Variants in VPS13B observed in about 807,000 individuals in gnomAD.
VPS13B encodes the protein vacuolar protein sorting 13 homolog B.
In VPS13B, 285 loss-of-function variants were observed where a neutral mutation model predicts 426.4. The ratio of observed to expected loss-of-function variants is 0.67; its 90% CI spans 0.61 to 0.74. The LOEUF (loss-of-function observed/expected upper bound fraction) is 0.74, where lower values mean the gene tolerates loss of function less well. Among genes scored for constraint, VPS13B ranks in the 30% least tolerant of loss-of-function variants. The pLI, the probability that VPS13B is intolerant of heterozygous loss-of-function variation, is 0.00. For missense variants in VPS13B, 4,537 were observed against 4,782.6 expected (o/e 0.95, Z 1.51); for synonymous variants, 1,676 against 1,676.4 (o/e 1.00, Z 0.01).
intron 24 of VPS13B, among the ~76,000 whole-genome samples, chr8:99,478,447 GTTTTTTTT>G (rs56261645): frequency 1.2e-5 from 1 of 85,778 alleles, no homozygotes; most frequent in African/African-American, 5.1e-5. Context: ...TTTTTGTTTT[GTTTTTTTT>G]TTTTTTTTTT....
Position 99,265,381 on chromosome 8 carries a change from TC to T in VPS13B, c.2516-8816del, listed in dbSNP as rs543856517. 1.6e-4 allele frequency among the ~76,000 whole-genome samples: 24 copies of T among 152,324 alleles called. No individual in the cohort carries two copies. The East Asian group carries it at 4.4e-3, about 28-fold the overall frequency. On this transcript the variant is annotated intron_variant, in intron 17 of 61. Coordinates refer to ENST00000357162, the MANE Select transcript of VPS13B (RefSeq NM_152564.5). ...CATGTTTCCTTTTTCTTGAGCTTGC[TC>T]GTTTCAGAGAGAAAGCCGTCCATTT...
chr8:99,388,924 G>T (rs1262050774), intron 20 of VPS13B, among the ~76,000 whole-genome samples: 1 of 152,244 alleles, frequency 6.6e-6, no homozygotes, highest in African/African-American at 2.4e-5. Context: ...GCTGAGGCAG[G>T]TGGATCATGA....
chr8:99,688,690 G>A lies in VPS13B; in HGVS notation c.6047-10835G>A, dbSNP rs572190419. ...TCATTACATCATTAAACATTGTGGG[G>A]CCATAGGCTTTTGGCCCCCTAAAGG... On this transcript the variant is annotated intron_variant, in intron 35 of 61. Transcript: ENST00000357162. Among the ~76,000 whole-genome samples the A allele has an allele frequency of 4.6e-5, 7 of 152,132 alleles. 1 individual carries two copies. The highest frequency in any genetic ancestry group is 2.1e-4 in the South Asian group (1 of 4,822).
intron 25 of VPS13B, among the ~76,000 whole-genome samples, chr8:99,498,870 CT>C (rs1821074837): frequency 6.6e-6 from 1 of 152,098 alleles, no homozygotes; most frequent in African/African-American, 2.4e-5. Context: ...CAGCAGGCCA[CT>C]TGTTACTGTT....
chr8:99,313,046 GGTTATTCTA>G (rs1355787232), intron 19 of VPS13B, among the ~76,000 whole-genome samples: 34 of 152,214 alleles, frequency 2.2e-4, no homozygotes, highest in African/African-American at 6.3e-4. Flanking sequence ...TCTCTGCATT[GGTTATTCTA>G]GTTAGCCATT....
At chr8:99,165,701 T>A (rs1196727052) in intron 15 of VPS13B, among the ~76,000 whole-genome samples, 5 of 152,224 alleles carry the variant, frequency 3.3e-5, no homozygotes. Context: ...GGCATATTTA[T>A]TTTGGAAGTA....
chr8:99,785,849 C>A (rs1812232342), intron 43 of VPS13B, among the ~76,000 whole-genome samples: 1 of 152,108 alleles, frequency 6.6e-6, no homozygotes, highest in Non-Finnish European at 1.5e-5. Flanking sequence ...ATTGTCATTG[C>A]ATTCCCAGCA....
At chr8:99,246,235 C>T (rs1462936472) in intron 17 of VPS13B, among the ~76,000 whole-genome samples, 1 of 152,196 alleles carries the variant, frequency 6.6e-6, no homozygotes, top group Non-Finnish European at 1.5e-5. Flanking sequence ...ATATGCTGAC[C>T]TTCAGGCCCT....
rs59717397 is a variant in VPS13B at position 99,229,394 on chromosome 8, A to G, written c.2515+36337A>G. Among the ~76,000 whole-genome samples, 1,258 of 152,340 alleles carry G rather than the reference A, an allele frequency of 8.3e-3. 42 individuals are homozygous for G. The highest frequency in any genetic ancestry group is 0.076 in the East Asian group (393 of 5,176). On this transcript the variant is annotated intron_variant, in intron 17 of 61. Transcript: ENST00000357162. Reference sequence around the variant, plus strand: ...AGCTAACAGCTGAAGACTGTCAGCTAATCATGCTCCTTGTAGCCAGGCAAT... The same window carrying G: ...AGCTAACAGCTGAAGACTGTCAGCTGATCATGCTCCTTGTAGCCAGGCAAT...
intron 17 of VPS13B, among the ~76,000 whole-genome samples, chr8:99,267,671 G>A (rs184309648): frequency 1.5e-3 from 234 of 151,582 alleles, no homozygotes; most frequent in Middle Eastern, 3.4e-3. Flanking sequence ...AGGTTGCAGT[G>A]AGCTGAGATC....
intron 33 of VPS13B, among the ~76,000 whole-genome samples, chr8:99,583,308 A>T (rs1456280109): frequency 6.6e-6 from 1 of 152,212 alleles, no homozygotes; most frequent in Non-Finnish European, 1.5e-5. Context: ...ATAAATTAGT[A>T]AATTGACCAA....
At chr8:99,014,972 C>T (rs547243508) in intron 2 of VPS13B, among the ~76,000 whole-genome samples, 5 of 151,850 alleles carry the variant, frequency 3.3e-5, no homozygotes, top group Non-Finnish European at 7.4e-5. Context: ...AGTCAGAGAC[C>T]AACTGCTTTT....
intron 19 of VPS13B, among the ~76,000 whole-genome samples, chr8:99,334,479 T>G (rs962709437): frequency 1.3e-5 from 2 of 152,124 alleles, no homozygotes; most frequent in African/African-American, 4.8e-5. Context: ...AGTATGATAT[T>G]GGCTGTGGGT....
At chr8:99,079,490 A>T (rs922291450) in intron 3 of VPS13B, among the ~76,000 whole-genome samples, 4 of 152,062 alleles carry the variant, frequency 2.6e-5, no homozygotes, top group Non-Finnish European at 5.9e-5. Flanking sequence ...CCATGTTGAT[A>T]TTTTACTCTA....
intron 6 of VPS13B, among the ~76,000 whole-genome samples, chr8:99,112,388 T>G: frequency 6.6e-6 from 1 of 152,310 alleles, no homozygotes; most frequent in Admixed American, 6.5e-5. Flanking sequence ...TTACCTTATA[T>G]TTTATTAAAA....
At chr8:99,579,606 G>A (rs973240586) in intron 33 of VPS13B, among the ~76,000 whole-genome samples, 26 of 151,640 alleles carry the variant, frequency 1.7e-4, no homozygotes, top group African/African-American at 6.1e-4. Context: ...CACCATGTTG[G>A]CCAGGCTGGT....
intron 4 of VPS13B, among the ~76,000 whole-genome samples, chr8:99,098,082 T>C (rs1846523750): frequency 6.6e-6 from 1 of 152,224 alleles, no homozygotes; most frequent in African/African-American, 2.4e-5. Context: ...AATTAGATTA[T>C]AATTATTGAT....
At position 99,154,203 on chromosome 8, in the gene VPS13B, C is replaced by T. The variant is rs184570789; in HGVS notation, c.2014-2346C>T. ...ATCCTGCTTGGTGTTCTCTGAGTTT[C>T]CTGGGTTTCTAATTTGGTGTCTGAC... On this transcript the variant is annotated intron_variant, in intron 14 of 61. Coordinates refer to ENST00000357162, the MANE Select transcript of VPS13B (RefSeq NM_152564.5). Among the ~76,000 whole-genome samples, 8 of 140,304 alleles carry T rather than the reference C, an allele frequency of 5.7e-5. No homozygotes were observed. The East Asian group carries it at 1.5e-3, about 26-fold the overall frequency. The allele number at this position is 140,304 out of a possible 152,430, so 92.0% of individuals were successfully genotyped here.
intron 19 of VPS13B, among the ~76,000 whole-genome samples, chr8:99,349,547 G>A (rs1028117187): frequency 1.3e-5 from 2 of 151,982 alleles, no homozygotes; most frequent in Admixed American, 1.3e-4. Context: ...GGTTAAATTT[G>A]AGTTTTAGAT....
Sources: gnomAD v4.1 joint callset for allele counts (sites outside exome capture counted in the v4.1 genomes callset) on GRCh38, gnomAD v4.1.1 for gene constraint, MANE v1.5 for transcripts, NCBI Gene and HGNC (gene_info 2026-07-23, HGNC 2026-07-21) for gene names.